PLS1: variants seen among roughly 807,000 people sequenced by gnomAD.
PLS1 encodes plastin 1.
A neutral mutation model predicts 73.7 loss-of-function variants in PLS1; 32 were observed. That is an observed-to-expected ratio of 0.43 (90% CI 0.33 to 0.58). The LOEUF (loss-of-function observed/expected upper bound fraction) is 0.58. Ranked by LOEUF, PLS1 falls within the 20% of genes least tolerant of loss-of-function variation. The pLI is 0.04. For missense variants in PLS1, 633 were observed against 740.5 expected, an observed-to-expected ratio of 0.85 and a Z score of 1.68; for synonymous variants, 217 against 261.3, an observed-to-expected ratio of 0.83 and a Z score of 1.63.
intron 1 of PLS1, among the ~76,000 whole-genome samples, chr3:142,647,595 C>T (rs1372717845): frequency 4.6e-5 from 7 of 151,694 alleles, no homozygotes; most frequent in East Asian, 3.9e-4. Flanking sequence ...CTCTGCCTCC[C>T]GGGTTCATGC....
intron 1 of PLS1, chr3:142,619,732 T>C (rs1259816978): frequency 6.6e-6 from 1 of 152,228 alleles, no homozygotes; most frequent in East Asian, 1.9e-4. Context: ...GATGTGTGTA[T>C]GTATTGTGTC....
intron 1 of PLS1, among the ~76,000 whole-genome samples, chr3:142,614,187 G>A (rs757599124): frequency 2.0e-5 from 3 of 152,202 alleles, no homozygotes; most frequent in Non-Finnish European, 4.4e-5. Flanking sequence ...ACTGAAGATG[G>A]AAGCAACCAC....
At chr3:142,624,155 G>A (rs1484024469) in intron 1 of PLS1, among the ~76,000 whole-genome samples, 5 of 152,284 alleles carry the variant, frequency 3.3e-5, no homozygotes, top group Non-Finnish European at 4.4e-5. Context: ...TCTGGAGTCT[G>A]AAGAAAATAT....
intron 1 of PLS1, among the ~76,000 whole-genome samples, chr3:142,653,535 A>AT (rs993580653): frequency 1.4e-4 from 21 of 150,970 alleles, no homozygotes; most frequent in Non-Finnish European, 2.2e-4. Context: ...TAATTTTTGT[A>AT]TTTTTTTTAG....
At chr3:142,596,806 T>C (rs1227986330) in intron 1 of PLS1, among the ~76,000 whole-genome samples, 2 of 152,250 alleles carry the variant, frequency 1.3e-5, no homozygotes, top group Non-Finnish European at 2.9e-5. Flanking sequence ...TTAAGTTTTC[T>C]TCTTTCAACT....
chr3:142,657,734 C>T (rs1685994459), intron 1 of PLS1, among the ~76,000 whole-genome samples: 1 of 152,150 alleles, frequency 6.6e-6, no homozygotes, highest in Admixed American at 6.5e-5. Context: ...ATGATCCGCC[C>T]ACCTCGCCCT....
intron 1 of PLS1, among the ~76,000 whole-genome samples, chr3:142,660,668 G>A (rs144155037): frequency 2.0e-5 from 3 of 152,248 alleles, no homozygotes; most frequent in East Asian, 1.9e-4. Context: ...GTTAGGAGCT[G>A]TCTGTATACA....
rs559758168 is a variant in PLS1, at chr3:142,686,201, C to T, written c.889-83C>T. The T allele has an allele frequency of 2.0e-5, 16 of 799,362 alleles. No homozygotes were observed. The South Asian group carries it at 2.4e-4, about 12-fold the overall frequency. The allele number at this position is 799,362 out of a possible 1,614,324, so 49.5% of individuals were successfully genotyped here. A position where few individuals can be genotyped will look rare whatever the true frequency, so the allele number is the denominator to read the frequency against. On this transcript the variant is annotated intron_variant, in intron 8 of 15. Transcript: ENST00000457734. The stretch of plus-strand genomic sequence containing the variant: ...CCATTCTTTGAGATAGAGGCAATTT[C>T]TTCAGTTTGAGCACTTGTTTTCCCT...
intron 1 of PLS1, among the ~76,000 whole-genome samples, chr3:142,615,173 A>G (rs985327264): frequency 7.9e-5 from 12 of 152,200 alleles, no homozygotes; most frequent in Non-Finnish European, 1.5e-4. Flanking sequence ...GAAGCTGTTG[A>G]GGCAGCCAAC....
chr3:142,690,685 C>A (rs1362373866), intron 10 of PLS1, among the ~76,000 whole-genome samples: 1 of 152,172 alleles, frequency 6.6e-6, no homozygotes, highest in African/African-American at 2.4e-5. Flanking sequence ...CATTTAGGTT[C>A]TATAACATAT....
chr3:142,597,922 C>G (rs1205705854), intron 1 of PLS1, among the ~76,000 whole-genome samples: 1 of 152,192 alleles, frequency 6.6e-6, no homozygotes, highest in Non-Finnish European at 1.5e-5. Context: ...AAAAAGTGCC[C>G]TTTCACTGAA....
At chr3:142,686,190 A>G (rs2037960801) in intron 8 of PLS1, 94 bp from the exon 9 acceptor site, 1 of 747,510 alleles carries the variant, frequency 1.3e-6, no homozygotes, top group African/African-American at 1.8e-5. Context: ...TCTTTGAGAT[A>G]GAGGCAATTT....
intron 1 of PLS1, among the ~76,000 whole-genome samples, chr3:142,608,517 G>A (rs1412675807): frequency 6.6e-6 from 1 of 152,128 alleles, no homozygotes; most frequent in African/African-American, 2.4e-5. Flanking sequence ...AGGAACTGAG[G>A]CTCAAAGAGG....
At chr3:142,701,017 T>G (rs1328846421) in intron 12 of PLS1, among the ~76,000 whole-genome samples, 1 of 152,234 alleles carries the variant, frequency 6.6e-6, no homozygotes, top group Non-Finnish European at 1.5e-5. Flanking sequence ...TGTGGAACTA[T>G]AAGTCCAATT....
intron 1 of PLS1, among the ~76,000 whole-genome samples, chr3:142,621,392 G>A (rs564725352): frequency 1.3e-5 from 2 of 152,202 alleles, no homozygotes; most frequent in South Asian, 4.1e-4. Flanking sequence ...TGTGTTCAAG[G>A]ATGTTTGCTG....
chr3:142,690,319 G>A (rs554660007), intron 10 of PLS1, among the ~76,000 whole-genome samples: 1 of 152,208 alleles, frequency 6.6e-6, no homozygotes, highest in East Asian at 1.9e-4. Context: ...CCCTCCTAAT[G>A]TAGGTACTGT....
chr3:142,660,793 C>T (rs147784410), intron 1 of PLS1, among the ~76,000 whole-genome samples: 46 of 152,270 alleles, frequency 3.0e-4, no homozygotes, highest in East Asian at 1.2e-3. Flanking sequence ...TAGGAAACAA[C>T]GTTGTATGGG....
In PLS1 at chr3:142,624,740, A is replaced by G. The variant is rs115289305; in HGVS notation, c.-37+28231A>G. Among the ~76,000 whole-genome samples, 185 of 152,362 alleles carry G rather than the reference A, an allele frequency of 1.2e-3. 1 individual carries two copies. The highest frequency in any genetic ancestry group is 4.2e-3 in the African/African-American group (176 of 41,588). Reference sequence around the variant, plus strand: ...ACGCACCATAGAATACTCTTGTTAGAGAAGTGAACACATTATGACCAATTA... The same window carrying G: ...ACGCACCATAGAATACTCTTGTTAGGGAAGTGAACACATTATGACCAATTA... On this transcript the variant is annotated intron_variant, in intron 1 of 15. Coordinates refer to ENST00000457734, the MANE Select transcript of PLS1 (RefSeq NM_001145319.2).
intron 1 of PLS1, among the ~76,000 whole-genome samples, chr3:142,628,304 G>T (rs896761382): frequency 1.3e-5 from 2 of 151,896 alleles, no homozygotes; most frequent in Admixed American, 6.6e-5. Flanking sequence ...GTGGAAATGG[G>T]AATAAAGATG....
Sources: gnomAD v4.1 joint callset for allele counts (sites outside exome capture counted in the v4.1 genomes callset) on GRCh38, gnomAD v4.1.1 for gene constraint, MANE v1.5 for transcripts, NCBI Gene and HGNC (gene_info 2026-07-23, HGNC 2026-07-21) for gene names.